The following CORO1C variants were observed in gnomAD, a reference collection of about 807,000 sequenced individuals.
CORO1C encodes the protein coronin-1C.
In CORO1C, 14 loss-of-function variants were observed where a neutral mutation model predicts 51.2. That is an observed-to-expected ratio of 0.27 (90% CI 0.18 to 0.43). The LOEUF is 0.43. Ranked by LOEUF, CORO1C falls within the 20% of genes least tolerant of loss-of-function variation. The pLI, the probability that CORO1C is intolerant of heterozygous loss-of-function variation, is 1.00. For missense variants in CORO1C, 417 were observed against 607.8 expected (o/e 0.69, Z 3.30); for synonymous variants, 181 against 210.5 (o/e 0.86, Z 1.21).
intron 10 of CORO1C, 120 bp from the exon 11 acceptor site, chr12:108,647,642 C>T (rs2136789101): frequency 3.0e-6 from 2 of 670,860 alleles, no homozygotes; most frequent in Admixed American, 3.0e-5. Context: ...CCATAGTCAC[C>T]AAGTTGAAAA....
At chr12:108,681,637 C>T (rs184593235) in intron 2 of CORO1C, among the ~76,000 whole-genome samples, 1 of 152,234 alleles carries the variant, frequency 6.6e-6, no homozygotes, top group East Asian at 1.9e-4. Flanking sequence ...AAGAAAAAAG[C>T]AAACAAAAGG....
intron 2 of CORO1C, among the ~76,000 whole-genome samples, chr12:108,692,087 G>A (rs980629086): frequency 1.3e-5 from 2 of 149,652 alleles, no homozygotes; most frequent in African/African-American, 2.4e-5. Context: ...AGGCCAGGCC[G>A]TGCTCGTGTG....
chr12:108,693,594 C>A (rs1046514893), intron 2 of CORO1C, among the ~76,000 whole-genome samples: 8 of 152,222 alleles, frequency 5.3e-5, no homozygotes, highest in Non-Finnish European at 7.3e-5. Context: ...AAAAAGCTAT[C>A]CTTCAGCTTC....
chr12:108,678,424 G>A, intron 2 of CORO1C, 30 bp from the exon 3 acceptor site: 1 of 1,534,430 alleles, frequency 6.5e-7, no homozygotes, highest in Non-Finnish European at 8.8e-7. Flanking sequence ...AACCTATTAT[G>A]TAATATCAAC....
At chr12:108,688,589 AG>A (rs2034383423) in intron 2 of CORO1C, among the ~76,000 whole-genome samples, 1 of 152,226 alleles carries the variant, frequency 6.6e-6, no homozygotes, top group Admixed American at 6.5e-5. Flanking sequence ...TTGTGGTTGA[AG>A]ACACTACCAA....
intron 1 of CORO1C, among the ~76,000 whole-genome samples, chr12:108,719,389 T>C (rs1192387334): frequency 2.0e-5 from 3 of 152,202 alleles, no homozygotes; most frequent in Non-Finnish European, 4.4e-5. Flanking sequence ...TGACCACTTA[T>C]CGTGAATACA....
Position 108,648,824 on chromosome 12 carries a change from A to G in CORO1C, c.1086T>C (p.Tyr362=). The change falls in exon 10 of 11, where the codon TAT becomes TAC. Residue 362 remains tyrosine (Y), a synonymous_variant. Coordinates refer to ENST00000261401, the MANE Select transcript of CORO1C (RefSeq NM_014325.4). ...RKSDLFQDDL[Y]PDTAGPEAAL... is the part of the protein sequence containing the mutation. Reference sequence around the variant, plus strand: ...CGGCCTCTGGCCCCGCTGTGTCAGGATACAGGTCATCTTGGAAAAGGTCAG... The same window carrying G: ...CGGCCTCTGGCCCCGCTGTGTCAGGGTACAGGTCATCTTGGAAAAGGTCAG... The G allele has an allele frequency of 6.2e-7, 1 of 1,614,208 alleles. No individual in the cohort carries two copies. Among genetic ancestry groups the G allele is most frequent in the Non-Finnish European group, 8.5e-7 (1 of 1,180,036 alleles).
intron 2 of CORO1C, among the ~76,000 whole-genome samples, chr12:108,681,771 C>A (rs1035846366): frequency 2.0e-5 from 3 of 152,008 alleles, no homozygotes; most frequent in Non-Finnish European, 4.4e-5. Flanking sequence ...GGACTCATTT[C>A]AGGAAAAGAA....
chr12:108,702,901 C>T, intron 1 of CORO1C: 1 of 1,535,718 alleles, frequency 6.5e-7, no homozygotes, highest in Non-Finnish European at 8.7e-7. Context: ...CGTTCCTTAG[C>T]CCAGCTGTTA....
intron 1 of CORO1C, among the ~76,000 whole-genome samples, chr12:108,713,362 G>A (rs2035237581): frequency 1.3e-5 from 2 of 152,066 alleles, no homozygotes. Flanking sequence ...TATAACACCA[G>A]GAATGGTAAA....
intron 2 of CORO1C, among the ~76,000 whole-genome samples, chr12:108,690,128 T>C (rs923038699): frequency 6.6e-6 from 1 of 152,150 alleles, no homozygotes; most frequent in African/African-American, 2.4e-5. Flanking sequence ...GACAGCGGCA[T>C]GGAAAACAGA....
chr12:108,723,010 C>T (rs61278984), intron 1 of CORO1C, among the ~76,000 whole-genome samples: 1 of 152,218 alleles, frequency 6.6e-6, no homozygotes, highest in Admixed American at 6.5e-5. Context: ...TACTCTATTT[C>T]TAAAACAGAC....
chr12:108,693,457 A>G (rs2034566430), intron 2 of CORO1C, among the ~76,000 whole-genome samples: 1 of 152,218 alleles, frequency 6.6e-6, no homozygotes, highest in African/African-American at 2.4e-5. Context: ...AGTTAAAACA[A>G]TGATTCTAAA....
intron 3 of CORO1C, among the ~76,000 whole-genome samples, chr12:108,666,798 G>C (rs2033495686): frequency 6.6e-6 from 1 of 152,118 alleles, no homozygotes. Context: ...GCTTACTCAG[G>C]GGTTATTAGA....
chr12:108,695,777 A>G (rs924928306), intron 2 of CORO1C, among the ~76,000 whole-genome samples: 4 of 150,106 alleles, frequency 2.7e-5, no homozygotes, highest in African/African-American at 7.4e-5. Context: ...ATGCTCTAAT[A>G]TATGCTATTA....
intron 8 of CORO1C, 79 bp from the exon 9 acceptor site, chr12:108,649,099 C>A: frequency 6.6e-7 from 1 of 1,516,930 alleles, no homozygotes; most frequent in Non-Finnish European, 9.1e-7. Flanking sequence ...TAGTTTTCTA[C>A]AATGCTGTCT....
chr12:108,707,122 T>C (rs577558776), intron 1 of CORO1C, among the ~76,000 whole-genome samples: 19 of 152,278 alleles, frequency 1.2e-4, no homozygotes, highest in African/African-American at 4.6e-4. Context: ...CAAACTAAGA[T>C]ATAGATTTAA....
chr12:108,676,336 A>C (rs1456565578), intron 3 of CORO1C, among the ~76,000 whole-genome samples: 1 of 152,128 alleles, frequency 6.6e-6, no homozygotes, highest in Non-Finnish European at 1.5e-5. Flanking sequence ...TTTTTCACTT[A>C]ACTATTTGGT....
Position 108,658,982 on chromosome 12 carries a change from A to C in CORO1C, c.449-63T>G. On this transcript the variant is annotated intron_variant, in intron 4 of 10. Coordinates refer to ENST00000261401, the MANE Select transcript of CORO1C (RefSeq NM_014325.4). The surrounding 1 kb of genome is among the most constrained non-coding windows in gnomAD (Gnocchi z 4.9). ...AAACACCTATGTAACACACTCAGAA[A>C]ACTACAGATACAGTGAGAATACACA... 1 of 1,521,548 alleles carries C rather than the reference A, an allele frequency of 6.6e-7. No homozygotes were observed. The highest frequency in any genetic ancestry group is 1.8e-5 in the Admixed American group (1 of 57,084). The allele number at this position is 1,521,548 out of a possible 1,614,324, so 94.3% of individuals were successfully genotyped here. A position where few individuals can be genotyped will look rare whatever the true frequency, so the allele number is the denominator to read the frequency against.
Sources: gnomAD v4.1 joint callset for allele counts (sites outside exome capture counted in the v4.1 genomes callset) on GRCh38, gnomAD v4.1.1 for gene constraint, Gnocchi (gnomAD v3.1) non-coding constraint, MANE v1.5 for transcripts, NCBI Gene and HGNC (gene_info 2026-07-23, HGNC 2026-07-21) for gene names.